SLC24A2: variants seen among roughly 807,000 people sequenced by gnomAD.
The protein encoded by SLC24A2 is solute carrier family 24 member 2, also known as sodium/potassium/calcium exchanger 2.
A neutral mutation model predicts 62.0 loss-of-function variants in SLC24A2; 36 were observed. The observed-to-expected ratio is 0.58, with a 90% CI of 0.44 to 0.77. The LOEUF (loss-of-function observed/expected upper bound fraction) is 0.77. Ranked by LOEUF, SLC24A2 falls within the 30% of genes least tolerant of loss-of-function variation. The probability of loss-of-function intolerance (pLI) is 0.00; values close to 1 mark genes in which losing one functional copy is unlikely to be tolerated. For synonymous variants in SLC24A2, 358 were observed against 294.0 expected, an observed-to-expected ratio of 1.22 and a Z score of -2.23; for missense variants, 846 against 817.9, an observed-to-expected ratio of 1.03 and a Z score of -0.42.
the SLC24A2 span, among the ~76,000 whole-genome samples, chr9:19,934,454 C>T: frequency 6.6e-6 from 1 of 151,794 alleles, no homozygotes; most frequent in Non-Finnish European, 1.5e-5. This position sits in a 1 kb window ranked among gnomAD's most constrained non-coding sequence, Gnocchi z 4.1. Flanking sequence ...TCCCGCGCAC[C>T]ACAAGGACCC....
At chr9:20,289,092 T>G in the SLC24A2 span, among the ~76,000 whole-genome samples, 54 of 152,190 alleles carry the variant, frequency 3.5e-4, no homozygotes, top group Non-Finnish European at 2.2e-4. Flanking sequence ...AGGCAACCTG[T>G]CCCTACAGAG....
At chr9:19,641,695 A>C (rs1432643870) in intron 2 of SLC24A2, among the ~76,000 whole-genome samples, 1 of 152,012 alleles carries the variant, frequency 6.6e-6, no homozygotes, top group African/African-American at 2.4e-5. Flanking sequence ...TTGTAGTTTT[A>C]GCAAAGACAG....
intron 2 of SLC24A2, among the ~76,000 whole-genome samples, chr9:19,653,229 G>C (rs1054788933): frequency 6.6e-6 from 1 of 152,184 alleles, no homozygotes; most frequent in Non-Finnish European, 1.5e-5. Flanking sequence ...TTTCTCAACA[G>C]CATGGCCAGA....
the SLC24A2 span, among the ~76,000 whole-genome samples, chr9:20,111,621 C>A: frequency 6.6e-6 from 1 of 152,114 alleles, no homozygotes; most frequent in African/African-American, 2.4e-5. Flanking sequence ...GAAATGTAGA[C>A]TCCTGGGCCC....
chr9:19,523,597 G>T (rs1833297342), intron 9 of SLC24A2, among the ~76,000 whole-genome samples: 1 of 151,992 alleles, frequency 6.6e-6, no homozygotes, highest in Non-Finnish European at 1.5e-5. Context: ...CAAGTAGCTG[G>T]GATTACAGGC....
At chr9:20,165,448 G>A in the SLC24A2 span, among the ~76,000 whole-genome samples, 1,453 of 151,906 alleles carry the variant, frequency 9.6e-3, 28 homozygotes, top group African/African-American at 0.032. Context: ...TGTGGTAATG[G>A]CACATGACTA....
chr9:20,075,616 G>T, the SLC24A2 span, among the ~76,000 whole-genome samples: 2,763 of 152,126 alleles, frequency 0.018, 76 homozygotes, highest in African/African-American at 0.064. Flanking sequence ...GTAGGTGTGG[G>T]TTCACTCCCT....
the SLC24A2 span, among the ~76,000 whole-genome samples, chr9:20,262,673 G>T: frequency 6.6e-6 from 1 of 152,290 alleles, no homozygotes; most frequent in Admixed American, 6.5e-5. Flanking sequence ...TTGGGCACCA[G>T]CCTGTATAAA....
chr9:20,218,833 G>A, the SLC24A2 span, among the ~76,000 whole-genome samples: 1 of 152,096 alleles, frequency 6.6e-6, no homozygotes, highest in Non-Finnish European at 1.5e-5. Flanking sequence ...GCCAAGCTTA[G>A]CTGGATTCTC....
At chr9:20,249,165 TGATAAA>T in the SLC24A2 span, among the ~76,000 whole-genome samples, 1 of 152,306 alleles carries the variant, frequency 6.6e-6, no homozygotes, top group Non-Finnish European at 1.5e-5. Flanking sequence ...AAAACATGGA[TGATAAA>T]GTATATAACT....
the SLC24A2 span, among the ~76,000 whole-genome samples, chr9:19,898,741 C>CAAAAAAA: frequency 2.2e-4 from 21 of 97,238 alleles, no homozygotes; most frequent in East Asian, 4.2e-4. Context: ...GACTCCATCT[C>CAAAAAAA]AAAAAAAAAA....
chr9:19,706,892 A>G (rs1031569378), intron 2 of SLC24A2, among the ~76,000 whole-genome samples: 2 of 152,032 alleles, frequency 1.3e-5, no homozygotes, highest in African/African-American at 4.8e-5. Flanking sequence ...GGAAGGCAAG[A>G]AATAACTAAA....
At chr9:19,629,063 C>T (rs751067007) in intron 2 of SLC24A2, among the ~76,000 whole-genome samples, 1 of 152,206 alleles carries the variant, frequency 6.6e-6, no homozygotes, top group Middle Eastern at 3.4e-3. Flanking sequence ...AATATCTCAT[C>T]GAATCCTCAC....
intron 7 of SLC24A2, among the ~76,000 whole-genome samples, chr9:19,564,672 G>A (rs984428724): frequency 6.6e-6 from 1 of 152,042 alleles, no homozygotes; most frequent in Non-Finnish European, 1.5e-5. Context: ...AGGACAGAAG[G>A]AAATCTTAGA....
At chr9:20,265,854 G>A in the SLC24A2 span, among the ~76,000 whole-genome samples, 4 of 152,160 alleles carry the variant, frequency 2.6e-5, no homozygotes, top group Non-Finnish European at 5.9e-5. Flanking sequence ...AAGAGAATGA[G>A]TCCCTGAGGG....
the SLC24A2 span, among the ~76,000 whole-genome samples, chr9:19,906,406 C>T: frequency 6.6e-6 from 1 of 151,218 alleles, no homozygotes; most frequent in Non-Finnish European, 1.5e-5. Context: ...CCTAACATCA[C>T]AATTAAAAGA....
At chr9:19,717,464 T>G (rs1003963675) in intron 2 of SLC24A2, among the ~76,000 whole-genome samples, 1 of 152,180 alleles carries the variant, frequency 6.6e-6, no homozygotes, top group African/African-American at 2.4e-5. Flanking sequence ...TTTCTAATTT[T>G]TAAATAATCA....
the SLC24A2 span, among the ~76,000 whole-genome samples, chr9:19,897,890 C>T: frequency 2.6e-5 from 4 of 152,332 alleles, no homozygotes; most frequent in South Asian, 2.1e-4. Flanking sequence ...AACAGAATTA[C>T]GCACTACAGT....
the SLC24A2 span, among the ~76,000 whole-genome samples, chr9:20,075,548 C>A: frequency 6.6e-6 from 1 of 152,188 alleles, no homozygotes; most frequent in Non-Finnish European, 1.5e-5. Flanking sequence ...ACAATTCACA[C>A]CTCACACTTC....
Sources: gnomAD v4.1 joint callset for allele counts (sites outside exome capture counted in the v4.1 genomes callset) on GRCh38, gnomAD v4.1.1 for gene constraint, Gnocchi (gnomAD v3.1) non-coding constraint, MANE v1.5 for transcripts, NCBI Gene and HGNC (gene_info 2026-07-23, HGNC 2026-07-21) for gene names.